Variants in GFOD1 observed in about 807,000 individuals in gnomAD.
GFOD1 encodes the protein glucose-fructose oxidoreductase domain-containing protein 1.
In GFOD1, 9 loss-of-function variants were observed where a neutral mutation model predicts 25.4. That is an observed-to-expected ratio of 0.35 (90% CI 0.21 to 0.62). The LOEUF (loss-of-function observed/expected upper bound fraction) is 0.62, where lower values mean the gene tolerates loss of function less well. Ranked by LOEUF, GFOD1 falls within the 20% of genes least tolerant of loss-of-function variation. GFOD1 has a pLI of 0.72. For missense variants in GFOD1, 403 were observed against 556.9 expected, an observed-to-expected ratio of 0.72 and a Z score of 2.78; for synonymous variants, 253 against 245.6, an observed-to-expected ratio of 1.03 and a Z score of -0.28.
chr6:13,470,108 A>G (rs1373225713), intron 1 of GFOD1: 2 of 1,439,676 alleles, frequency 1.4e-6, no homozygotes, highest in Non-Finnish European at 1.9e-6. Flanking sequence ...TGAAAAACCG[A>G]TAAATACTGC....
intron 1 of GFOD1, among the ~76,000 whole-genome samples, chr6:13,434,731 G>A (rs1757807490): frequency 6.6e-6 from 1 of 152,222 alleles, no homozygotes; most frequent in Admixed American, 6.5e-5. Context: ...AATCAGCCAG[G>A]CAAATGAAAC....
Position 13,424,387 on chromosome 6 carries a change from C to T in GFOD1, c.254-58725G>A, listed in dbSNP as rs118081338. On this transcript the variant is annotated intron_variant, in intron 1 of 1. Transcript: ENST00000379287. ...ATGGTGACCACGGTGATCACATCAA[C>T]GCTTATCTTAAATCCTCTTTAAACA... Among the ~76,000 whole-genome samples the T allele has an allele frequency of 7.0e-4, 107 of 152,224 alleles. No homozygotes were observed. In the East Asian group the frequency reaches 0.016, roughly 23 times the overall value.
At chr6:13,403,396 G>T (rs1265191379) in intron 1 of GFOD1, among the ~76,000 whole-genome samples, 1 of 152,150 alleles carries the variant, frequency 6.6e-6, no homozygotes, top group Non-Finnish European at 1.5e-5. Context: ...AAAGTGCTAG[G>T]ATTACAGGCG....
At chr6:13,454,867 G>A (rs1275011408) in intron 1 of GFOD1, among the ~76,000 whole-genome samples, 1 of 152,142 alleles carries the variant, frequency 6.6e-6, no homozygotes, top group Non-Finnish European at 1.5e-5. Context: ...ACCAGAGCAA[G>A]AGTTTCGTAG....
intron 1 of GFOD1, among the ~76,000 whole-genome samples, chr6:13,400,190 G>A (rs973644508): frequency 6.6e-6 from 1 of 152,184 alleles, no homozygotes; most frequent in Non-Finnish European, 1.5e-5. Context: ...ACCGGGCAGG[G>A]ATTCAGCCAG....
intron 1 of GFOD1, among the ~76,000 whole-genome samples, chr6:13,409,335 A>G (rs9382057): frequency 7.0e-6 from 1 of 143,688 alleles, no homozygotes; most frequent in Non-Finnish European, 1.5e-5. Context: ...GAAGGAGAGA[A>G]AGAGAGAGAG....
In GFOD1 at chr6:13,364,993, T is replaced by A. The variant is rs763954085; in HGVS notation, c.923A>T (p.Lys308Met). 1.9e-6 allele frequency: 3 copies of A among 1,610,504 alleles called. No homozygotes were observed. The highest frequency in any genetic ancestry group is 2.5e-6 in the Non-Finnish European group (3 of 1,179,828). The change falls in exon 2 of 2, where the codon AAG becomes ATG. Residue 308 changes from lysine to methionine, a missense_variant. Physicochemically the swap from Lys to Met is moderately conservative, Grantham distance 95. Coordinates refer to ENST00000379287, the MANE Select transcript of GFOD1 (RefSeq NM_018988.4). This position sits in a 1 kb window ranked among gnomAD's most constrained non-coding sequence, Gnocchi z 4.1. ...GGCCTGGCGCACCGCCTGCATCATC[T>A]TGATGGTGCCGCGCAGGTAGGGCGA... ...IPSPYLRGTI[K>M]MMQAVRQAFQ...
At chr6:13,453,685 C>T (rs939489248) in intron 1 of GFOD1, among the ~76,000 whole-genome samples, 6 of 152,166 alleles carry the variant, frequency 3.9e-5, no homozygotes, top group African/African-American at 1.4e-4. Flanking sequence ...CTACAATATG[C>T]GAAGTATTCT....
chr6:13,457,026 G>C (rs1159898808), intron 1 of GFOD1, among the ~76,000 whole-genome samples: 1 of 152,216 alleles, frequency 6.6e-6, no homozygotes, highest in Non-Finnish European at 1.5e-5. Context: ...GAAAATCAAA[G>C]ATGGGGCTTT....
chr6:13,387,341 T>C (rs10807432), intron 1 of GFOD1, among the ~76,000 whole-genome samples: 65,362 of 152,066 alleles, frequency 0.43, 16,780 homozygotes, highest in East Asian at 0.68. Flanking sequence ...CCAATATCCC[T>C]GATGAACATC....
chr6:13,398,911 G>A (rs556868177), intron 1 of GFOD1, among the ~76,000 whole-genome samples: 3 of 152,264 alleles, frequency 2.0e-5, no homozygotes, highest in South Asian at 2.1e-4. Context: ...GATTTGACTC[G>A]TTGTTATTTT....
chr6:13,421,631 C>A (rs780499088), intron 1 of GFOD1, among the ~76,000 whole-genome samples: 9 of 152,174 alleles, frequency 5.9e-5, no homozygotes, highest in Non-Finnish European at 1.3e-4. Flanking sequence ...TGCCGCCCAC[C>A]AGATACTCTC....
chr6:13,452,448 A>G (rs1427201801), intron 1 of GFOD1, among the ~76,000 whole-genome samples: 1 of 152,204 alleles, frequency 6.6e-6, no homozygotes, highest in Non-Finnish European at 1.5e-5. Flanking sequence ...TTTATGAACA[A>G]CAGGCAGTTG....
At chr6:13,483,780 G>A (rs1029826541) in intron 1 of GFOD1, among the ~76,000 whole-genome samples, 8 of 152,236 alleles carry the variant, frequency 5.3e-5, no homozygotes, top group Non-Finnish European at 8.8e-5. Flanking sequence ...AAATGACTCC[G>A]GGGGAGGTAG....
At chr6:13,378,912 C>T (rs1002145352) in intron 1 of GFOD1, among the ~76,000 whole-genome samples, 2 of 151,828 alleles carry the variant, frequency 1.3e-5, no homozygotes, top group African/African-American at 4.8e-5. Flanking sequence ...CTGCTTCAGC[C>T]AGAAGCAGAG....
Position 13,409,147 on chromosome 6 carries a change from AAGAG to A in GFOD1, c.254-43489_254-43486del, listed in dbSNP as rs71680213. Among the ~76,000 whole-genome samples the A allele has an allele frequency of 4.0e-3, 116 of 29,272 alleles. 18 individuals are homozygous for A. The highest frequency in any genetic ancestry group is 8.1e-3 in the South Asian group (4 of 494). The allele number at this position is 29,272 out of a possible 152,430, so 19.2% of individuals were successfully genotyped here. A position where few individuals can be genotyped will look rare whatever the true frequency, so the allele number is the denominator to read the frequency against. On this transcript the variant is annotated intron_variant, in intron 1 of 1. Transcript: ENST00000379287. ...AAAGAAAGAAAGAAAGAAAGAAAGA[AAGAG>A]AGGAAAGAAAGAAAGGAAAGAGAGA... is the stretch of plus-strand genomic sequence containing the variant.
chr6:13,437,481 A>C (rs1399142715), intron 1 of GFOD1, among the ~76,000 whole-genome samples: 2 of 152,224 alleles, frequency 1.3e-5, no homozygotes, highest in African/African-American at 4.8e-5. Flanking sequence ...TGAGGACTTG[A>C]AATGTGGTTA....
intron 1 of GFOD1, among the ~76,000 whole-genome samples, chr6:13,470,951 G>T (rs1474995228): frequency 6.6e-6 from 1 of 151,302 alleles, no homozygotes; most frequent in African/African-American, 2.5e-5. Flanking sequence ...ACATTAATGG[G>T]ACTCGAAAGA....
At chr6:13,428,515 G>A (rs1057268775) in intron 1 of GFOD1, among the ~76,000 whole-genome samples, 6 of 110,892 alleles carry the variant, frequency 5.4e-5, no homozygotes, top group African/African-American at 4.9e-4. Flanking sequence ...AGTGCGATGC[G>A]ATGCGCTGGC....
Sources: allele counts gnomAD v4.1 joint callset (sites outside exome capture counted in the v4.1 genomes callset), GRCh38; gene constraint gnomAD v4.1.1; non-coding constraint Gnocchi (gnomAD v3.1); transcripts MANE v1.5; gene names NCBI Gene and HGNC (gene_info 2026-07-23, HGNC 2026-07-21).